The following CEP250 variants were observed in gnomAD, a reference collection of about 807,000 sequenced individuals.
CEP250 encodes centrosome-associated protein CEP250.
CEP250 carries 242 observed loss-of-function variants against 315.7 expected under a neutral mutation model. The ratio of observed to expected loss-of-function variants is 0.77; its 90% CI spans 0.69 to 0.85. CEP250 has a LOEUF of 0.85. Among genes scored for constraint, CEP250 ranks in the 40% least tolerant of loss-of-function variants. The pLI is 0.00. For missense variants in CEP250, 2,515 were observed against 2,886.4 expected (o/e 0.87, Z 2.95); for synonymous variants, 1,088 against 1,175.0 (o/e 0.93, Z 1.51).
intron 15 of CEP250, among the ~76,000 whole-genome samples, chr20:35,476,018 C>T (rs527869567): frequency 6.6e-6 from 1 of 152,250 alleles, no homozygotes; most frequent in East Asian, 1.9e-4. Flanking sequence ...ATTCCATGTT[C>T]TTCATGACTC....
chr20:35,478,554 C>T (rs1423070825), intron 17 of CEP250, among the ~76,000 whole-genome samples: 2 of 152,162 alleles, frequency 1.3e-5, no homozygotes, highest in Non-Finnish European at 2.9e-5. Context: ...GACAGAGCGA[C>T]ACTGCTCAAA....
chr20:35,484,324 G>T lies in CEP250; in HGVS notation c.2586+4179G>T, dbSNP rs377237625. Among the ~76,000 whole-genome samples, 104 of 152,224 alleles carry T rather than the reference G, an allele frequency of 6.8e-4. No homozygotes were observed. The South Asian group carries it at 0.016, about 24-fold the overall frequency. ...AGGAAGCTGGAGGACTAGCATCCCA[G>T]GACCACCTTAAAGTAAATTTTCTGT... is the stretch of plus-strand genomic sequence containing the variant. On this transcript the variant is annotated intron_variant, in intron 20 of 34. Transcript: ENST00000397527.
In CEP250 at chr20:35,502,899, C is replaced by A; in HGVS notation, c.4530C>A (p.Ile1510=). 1.2e-6 allele frequency: 2 copies of A among 1,614,184 alleles called. No individual in the cohort carries two copies. The highest frequency in any genetic ancestry group is 1.7e-6 in the Non-Finnish European group (2 of 1,180,036). The part of the protein sequence containing the change: ...EQKLTVQREQ[I]RELEKDRETQ... ...AGCTGACTGTGCAGAGGGAGCAGAT[C>A]AGAGAGCTCGAGAAGGATCGGGAGA... Residue 1510 remains isoleucine, a synonymous_variant, in exon 30 of 35, where the codon ATC becomes ATA. Coordinates refer to ENST00000397527, the MANE Select transcript of CEP250 (RefSeq NM_007186.6).
chr20:35,467,179 G>GGGCCCCC, intron 8 of CEP250, 107 bp downstream of exon 8: 2 of 534,860 alleles, frequency 3.7e-6, no homozygotes, highest in Non-Finnish European at 7.1e-6. Context: ...GGTGGGTGGG[G>GGGCCCCC]GAGTTGGTAG....
In CEP250 at chr20:35,516,868, G is replaced by A. The variant is rs1050857230; in HGVS notation, c.*5242G>A. ...GTCCAGGGGTACATCCAGAAGCAAT[G>A]GCAGGTGTTATCCATTCATTCAGGT... On this transcript the variant is annotated 3_prime_UTR_variant, in exon 35 of 35. Transcript: ENST00000397527. The A allele has an allele frequency of 2.8e-5, 13 of 461,386 alleles. No individual in the cohort carries two copies. The highest frequency in any genetic ancestry group is 3.7e-5 in the Non-Finnish European group (13 of 350,872). 28.6% of individuals were successfully genotyped at this position (461,386 alleles called of 1,614,324 possible). A position where few individuals can be genotyped will look rare whatever the true frequency, so the allele number is the denominator to read the frequency against.
chr20:35,516,574 C>G lies in CEP250; in HGVS notation c.*4948C>G, dbSNP rs1454744029. On this transcript the variant is annotated 3_prime_UTR_variant, in exon 35 of 35. Coordinates refer to ENST00000397527, the MANE Select transcript of CEP250 (RefSeq NM_007186.6). The stretch of plus-strand genomic sequence containing the variant: ...TCCATTACCTGGTGAATGAGATTGG[C>G]TAGCTGCTGCTCCTGCCCCAGCTAT... The G allele has an allele frequency of 6.6e-6, 1 of 152,264 alleles. No homozygotes were observed. Among genetic ancestry groups the G allele is most frequent in the Non-Finnish European group, 1.5e-5 (1 of 68,058 alleles). 9.4% of individuals were successfully genotyped at this position (152,264 alleles called of 1,614,324 possible). A position where few individuals can be genotyped will look rare whatever the true frequency, so the allele number is the denominator to read the frequency against.
chr20:35,490,167 G>A (rs1568805254), intron 20 of CEP250, among the ~76,000 whole-genome samples: 3 of 152,080 alleles, frequency 2.0e-5, no homozygotes, highest in Non-Finnish European at 4.4e-5. Flanking sequence ...ACAAAAATTA[G>A]CTGGGCATGG....
intron 24 of CEP250, among the ~76,000 whole-genome samples, 155 bp from the exon 25 acceptor site, chr20:35,496,422 T>A (rs1286480387): frequency 2.6e-5 from 4 of 152,152 alleles, no homozygotes; most frequent in African/African-American, 4.8e-5. Flanking sequence ...TTATAGTAAG[T>A]GCTCAATAAA....
In CEP250 at chr20:35,493,591, C is replaced by T; in HGVS notation, c.3033+19C>T. 6.6e-7 allele frequency: 1 copy of T among 1,515,632 alleles called. No individual in the cohort carries two copies. The highest frequency in any genetic ancestry group is 1.4e-5 in the African/African-American group (1 of 70,928). The allele number at this position is 1,515,632 out of a possible 1,614,324, so 93.9% of individuals were successfully genotyped here. ...GAAGCAGGTCCCCTCCTCCTCCCCA[C>T]CAAGTCCCATGGTCCTTCCCCAACA... On this transcript the variant is annotated intron_variant, in intron 23 of 34. Transcript: ENST00000397527.
chr20:35,472,560 G>A (rs1601154895), intron 11 of CEP250, 113 bp from the exon 12 acceptor site: 7 of 1,092,524 alleles, frequency 6.4e-6, no homozygotes, highest in Admixed American at 2.1e-5. Context: ...TTCCCCCAGG[G>A]GAGAGGACCT....
At chr20:35,491,470 C>A in intron 22 of CEP250, 124 bp downstream of exon 22, 1 of 1,080,732 alleles carries the variant, frequency 9.3e-7, no homozygotes, top group Non-Finnish European at 1.3e-6. Flanking sequence ...ATGACAAGTA[C>A]ATAAAGGTAT....
chr20:35,504,810 G>T lies in CEP250; in HGVS notation c.6441G>T (p.Arg2147Ser), dbSNP rs770526043. The T allele has an allele frequency of 1.2e-6, 2 of 1,614,094 alleles. No individual in the cohort carries two copies. Among genetic ancestry groups the T allele is most frequent in the East Asian group, 2.2e-5 (1 of 44,898 alleles). Reference protein sequence around the residue: ...QSLKLDSLEPRLQRELERLQA... With the variant: ...QSLKLDSLEPSLQRELERLQA... Reference sequence around the variant, plus strand: ...TAAAACTTGATTCTTTAGAGCCCAGGCTGCAGCGGGAGCTGGAGCGGCTAC... The same window carrying T: ...TAAAACTTGATTCTTTAGAGCCCAGTCTGCAGCGGGAGCTGGAGCGGCTAC... The change falls in exon 30 of 35, where the codon AGG becomes AGT. Residue 2147 changes from arginine (R) to serine (S), a missense_variant. Coordinates refer to ENST00000397527, the MANE Select transcript of CEP250 (RefSeq NM_007186.6).
intron 17 of CEP250, 65 bp from the exon 18 acceptor site, chr20:35,479,166 C>G: frequency 6.6e-7 from 1 of 1,514,154 alleles, no homozygotes; most frequent in Non-Finnish European, 9.0e-7. Context: ...TGACCCTAAC[C>G]TGGTGGTAGC....
intron 20 of CEP250, among the ~76,000 whole-genome samples, chr20:35,487,871 C>T (rs961511543): frequency 3.3e-5 from 5 of 152,210 alleles, no homozygotes; most frequent in African/African-American, 4.8e-5. Flanking sequence ...TTTTTATCCA[C>T]CTCTGTAATG....
At chr20:35,502,347 C>A in intron 29 of CEP250, 43 bp from the exon 30 acceptor site, 1 of 1,497,640 alleles carries the variant, frequency 6.7e-7, no homozygotes, top group Non-Finnish European at 9.1e-7. Context: ...GTGACAGTAG[C>A]AGGGAAGTGT....
chr20:35,470,032 G>A (rs2062986603), intron 10 of CEP250, 46 bp downstream of exon 10: 1 of 1,274,812 alleles, frequency 7.8e-7, no homozygotes, highest in Non-Finnish European at 1.1e-6. Flanking sequence ...TGGGCTTGTA[G>A]GTTCCTTGTG....
chr20:35,469,801 G>A (rs2062979020), intron 9 of CEP250, 89 bp from the exon 10 acceptor site: 2 of 758,130 alleles, frequency 2.6e-6, no homozygotes, highest in Non-Finnish European at 4.2e-6. Context: ...GAGTGGTTGG[G>A]GTTGGGGCTG....
At chr20:35,467,661 G>T in intron 9 of CEP250, 106 bp downstream of exon 9, 2 of 1,314,546 alleles carry the variant, frequency 1.5e-6, no homozygotes, top group South Asian at 1.4e-5. Flanking sequence ...CTACCATGGA[G>T]GGGGAGAAGA....
At chr20:35,463,844 T>G (rs2062814075) in intron 5 of CEP250, among the ~76,000 whole-genome samples, 1 of 152,202 alleles carries the variant, frequency 6.6e-6, no homozygotes, top group Non-Finnish European at 1.5e-5. Context: ...GGACGAAATG[T>G]AAATTAGATT....
Sources: gnomAD v4.1 joint callset for allele counts (sites outside exome capture counted in the v4.1 genomes callset) on GRCh38, gnomAD v4.1.1 for gene constraint, MANE v1.5 for transcripts, NCBI Gene and HGNC (gene_info 2026-07-23, HGNC 2026-07-21) for gene names.